Variants in TMC1 observed in about 807,000 individuals in gnomAD.
The protein encoded by TMC1 is transmembrane channel like 1.
A neutral mutation model predicts 105.8 loss-of-function variants in TMC1; 84 were observed. The ratio of observed to expected loss-of-function variants is 0.79; its 90% CI spans 0.67 to 0.95. The LOEUF is 0.95. Ranked by LOEUF, TMC1 falls within the 40% of genes least tolerant of loss-of-function variation. The pLI is 0.00. For synonymous variants in TMC1, 315 were observed against 311.5 expected, an observed-to-expected ratio of 1.01 and a Z score of -0.12; for missense variants, 817 against 914.1, an observed-to-expected ratio of 0.89 and a Z score of 1.37.
In TMC1 at chr9:72,628,533, C is replaced by T. The variant is rs80006953; in HGVS notation, c.-53+470C>T. ...TGGGCACACCCTTGTGCCAAATGGA[C>T]CACCAGTTTAAATCGATTTTCAACA... On this transcript the variant is annotated intron_variant, in intron 4 of 23. Transcript: ENST00000297784. 1.3e-3 allele frequency among the ~76,000 whole-genome samples: 203 copies of T among 152,278 alleles called. 1 individual carries two copies. The highest frequency in any genetic ancestry group is 4.7e-3 in the African/African-American group (194 of 41,560).
At position 72,772,398 on chromosome 9, in the gene TMC1, G is replaced by C; in HGVS notation, c.742-15G>C. On this transcript the variant is annotated splice_polypyrimidine_tract_variant and intron_variant, in intron 12 of 23. Coordinates refer to ENST00000297784, the MANE Select transcript of TMC1 (RefSeq NM_138691.3). ...TTCACGACAACTGCTAAGTGGCTTT[G>C]TTGTTGGATTTCAGGGTTTGGCACA... The C allele has an allele frequency of 6.2e-7, 1 of 1,613,696 alleles. No homozygotes were observed. Among genetic ancestry groups the C allele is most frequent in the Non-Finnish European group, 8.5e-7 (1 of 1,179,664 alleles).
At chr9:72,550,328 C>T (rs1206783859) in intron 1 of TMC1, among the ~76,000 whole-genome samples, 2 of 151,216 alleles carry the variant, frequency 1.3e-5, no homozygotes, top group African/African-American at 2.4e-5. Context: ...ATTAGCTGGG[C>T]GTGGTCAGGC....
intron 2 of TMC1, among the ~76,000 whole-genome samples, chr9:72,606,981 G>A (rs1434006216): frequency 9.7e-6 from 1 of 102,824 alleles, no homozygotes; most frequent in Admixed American, 9.7e-5. Context: ...GTGTGTGTGT[G>A]CATATATATA....
At chr9:72,670,193 A>C (rs370402648) in intron 5 of TMC1, among the ~76,000 whole-genome samples, 73 of 152,302 alleles carry the variant, frequency 4.8e-4, no homozygotes, top group African/African-American at 1.7e-3. Context: ...AGAACCTCTG[A>C]AAAGGTTTAG....
At chr9:72,745,638 T>C (rs1827477921) in intron 10 of TMC1, among the ~76,000 whole-genome samples, 1 of 152,134 alleles carries the variant, frequency 6.6e-6, no homozygotes, top group African/African-American at 2.4e-5. Context: ...GAAACCTATG[T>C]AAGAATATAT....
chr9:72,690,757 C>A (rs1381281999), intron 6 of TMC1, among the ~76,000 whole-genome samples: 1 of 152,012 alleles, frequency 6.6e-6, no homozygotes, highest in Non-Finnish European at 1.5e-5. Context: ...CTGTCTTTGT[C>A]TTTGACTTCT....
chr9:72,660,371 T>C (rs1269330732), intron 5 of TMC1, among the ~76,000 whole-genome samples: 1 of 152,232 alleles, frequency 6.6e-6, no homozygotes, highest in Non-Finnish European at 1.5e-5. Context: ...TGTCCAGTTC[T>C]TAAACAACAG....
At chr9:72,835,655 TATAAA>T (rs1365702971) in intron 23 of TMC1, among the ~76,000 whole-genome samples, 4 of 151,300 alleles carry the variant, frequency 2.6e-5, no homozygotes, top group Non-Finnish European at 5.9e-5. Flanking sequence ...GTTGGAAAAA[TATAAA>T]ATATTCATCA....
chr9:72,621,812 T>C (rs1444496151), intron 3 of TMC1, among the ~76,000 whole-genome samples: 1 of 152,216 alleles, frequency 6.6e-6, no homozygotes, highest in East Asian at 1.9e-4. Context: ...GGAAATTTTA[T>C]TATTATATAC....
chr9:72,656,132 G>A (rs1825881242), intron 5 of TMC1: 5 of 640,084 alleles, frequency 7.8e-6, no homozygotes, highest in Non-Finnish European at 1.5e-5. Context: ...AGAGTGATTC[G>A]AATTCGGTGA....
At chr9:72,619,450 A>T (rs956013921) in intron 3 of TMC1, among the ~76,000 whole-genome samples, 1 of 152,132 alleles carries the variant, frequency 6.6e-6, no homozygotes, top group Non-Finnish European at 1.5e-5. Flanking sequence ...CATGCAGTAT[A>T]TTCCAGTTTA....
chr9:72,759,339 C>T (rs1052089375), intron 12 of TMC1, among the ~76,000 whole-genome samples: 4 of 151,994 alleles, frequency 2.6e-5, no homozygotes, highest in Admixed American at 1.3e-4. Context: ...GCAAGGAATC[C>T]GATCTCAAAG....
chr9:72,810,501 T>C (rs1828684256), intron 18 of TMC1, among the ~76,000 whole-genome samples: 1 of 152,188 alleles, frequency 6.6e-6, no homozygotes, highest in Non-Finnish European at 1.5e-5. Context: ...ACTAATGAGA[T>C]TAATTATTTG....
intron 2 of TMC1, among the ~76,000 whole-genome samples, chr9:72,612,699 A>C (rs1825052956): frequency 1.3e-5 from 2 of 152,210 alleles, no homozygotes; most frequent in African/African-American, 4.8e-5. Context: ...CCCATGATCT[A>C]GGACAAGAAG....
chr9:72,718,559 C>G (rs1826961909), intron 8 of TMC1, among the ~76,000 whole-genome samples: 1 of 152,342 alleles, frequency 6.6e-6, no homozygotes, highest in East Asian at 1.9e-4. Context: ...TGTGAACCAT[C>G]TTTAGGTCTC....
At chr9:72,738,218 A>G (rs1401499599) in intron 8 of TMC1, among the ~76,000 whole-genome samples, 2 of 152,118 alleles carry the variant, frequency 1.3e-5, no homozygotes, top group Non-Finnish European at 2.9e-5. Flanking sequence ...GACCGAAGAG[A>G]GTCTTTACCA....
At chr9:72,809,520 T>G (rs1828657345) in intron 18 of TMC1, among the ~76,000 whole-genome samples, 1 of 152,166 alleles carries the variant, frequency 6.6e-6, no homozygotes, top group African/African-American at 2.4e-5. Flanking sequence ...GAGGGCCTAC[T>G]AGGTGCAAGC....
chr9:72,536,363 C>T (rs941067654), intron 1 of TMC1, among the ~76,000 whole-genome samples: 7 of 152,174 alleles, frequency 4.6e-5, no homozygotes, highest in South Asian at 2.1e-4. Context: ...GGCAGAGTCT[C>T]GCTCCGTCAC....
intron 1 of TMC1, among the ~76,000 whole-genome samples, chr9:72,523,066 G>T (rs1385419035): frequency 6.6e-6 from 1 of 152,142 alleles, no homozygotes; most frequent in East Asian, 1.9e-4. Context: ...CTGGGTTAGT[G>T]GGAGAAACAG....
Sources: gnomAD v4.1 joint callset for allele counts (sites outside exome capture counted in the v4.1 genomes callset) on GRCh38, gnomAD v4.1.1 for gene constraint, MANE v1.5 for transcripts, NCBI Gene and HGNC (gene_info 2026-07-23, HGNC 2026-07-21) for gene names.